The following MACROH2A1 variants were observed in gnomAD, a reference collection of about 807,000 sequenced individuals.
MACROH2A1 encodes the protein macroH2A.1 histone.
MACROH2A1 carries 2 observed loss-of-function variants against 31.6 expected under a neutral mutation model. The ratio of observed to expected loss-of-function variants is 0.06; its 90% CI spans 0.03 to 0.20. The LOEUF (loss-of-function observed/expected upper bound fraction) is 0.20, where lower values mean the gene tolerates loss of function less well. MACROH2A1 is among the 10% of genes least tolerant of loss of function. MACROH2A1 has a pLI of 1.00. For missense variants in MACROH2A1, 230 were observed against 474.0 expected (o/e 0.49, Z 4.78); for synonymous variants, 169 against 189.6 (o/e 0.89, Z 0.89).
chr5:135,350,810 G>A lies in MACROH2A1; in HGVS notation c.688+2136C>T, dbSNP rs186981083. On this transcript the variant is annotated intron_variant, in intron 6 of 8. Transcript: ENST00000511689. ...TGCACACACACACTCGGCAGCACCC[G>A]GCTAGGCATTACCTACTTCACCACC... 8.6e-4 allele frequency: 1,354 copies of A among 1,567,368 alleles called. 7 individuals are homozygous for A. The highest frequency in any genetic ancestry group is 6.1e-3 in the Middle Eastern group (36 of 5,890).
intron 8 of MACROH2A1, chr5:135,337,974 T>C (rs990069701): frequency 3.3e-6 from 4 of 1,211,536 alleles, no homozygotes; most frequent in Non-Finnish European, 4.2e-6. Flanking sequence ...GGACTGTGGC[T>C]GCTCTGGACT....
At chr5:135,367,115 A>T (rs533203690) in intron 4 of MACROH2A1, among the ~76,000 whole-genome samples, 1 of 152,240 alleles carries the variant, frequency 6.6e-6, no homozygotes, top group Non-Finnish European at 1.5e-5. Flanking sequence ...GTGCTTTAGC[A>T]TGTTACTAAG....
At chr5:135,349,015 A>G (rs534630124) in intron 6 of MACROH2A1, among the ~76,000 whole-genome samples, 16 of 152,322 alleles carry the variant, frequency 1.1e-4, no homozygotes, top group African/African-American at 3.8e-4. Flanking sequence ...TCTGGGTGGC[A>G]CAGCTGGGTC....
chr5:135,346,234 A>T, intron 6 of MACROH2A1, 177 bp from the exon 7 acceptor site: 2 of 596,900 alleles, frequency 3.4e-6, no homozygotes, highest in Non-Finnish European at 6.1e-6. Flanking sequence ...CTTTGTCATC[A>T]CCAGTTACTA....
At chr5:135,341,820 T>A (rs1193068798) in intron 8 of MACROH2A1, among the ~76,000 whole-genome samples, 1 of 152,234 alleles carries the variant, frequency 6.6e-6, no homozygotes, top group Non-Finnish European at 1.5e-5. Context: ...AGGACATGGT[T>A]CTGAGGACTG....
chr5:135,337,792 G>C (rs946160554), intron 8 of MACROH2A1: 1 of 214,488 alleles, frequency 4.7e-6, no homozygotes. Flanking sequence ...CCTGCCTACC[G>C]TCCCGTTAAT....
chr5:135,340,340 G>T (rs1759603237), intron 8 of MACROH2A1, among the ~76,000 whole-genome samples: 1 of 151,912 alleles, frequency 6.6e-6, no homozygotes, highest in African/African-American at 2.4e-5. Context: ...CCGCGCCTGG[G>T]GCTCAACACA....
chr5:135,368,841 T>C (rs1763836920), intron 4 of MACROH2A1, among the ~76,000 whole-genome samples: 1 of 152,130 alleles, frequency 6.6e-6, no homozygotes, highest in Non-Finnish European at 1.5e-5. Context: ...ATAACACTAA[T>C]GAGAGGGTTT....
At chr5:135,354,262 T>C (rs1761920882) in intron 5 of MACROH2A1, 1 of 152,240 alleles carries the variant, frequency 6.6e-6, no homozygotes, top group South Asian at 2.1e-4. Context: ...CCAAACATTT[T>C]GTTGAAAACA....
intron 2 of MACROH2A1, among the ~76,000 whole-genome samples, chr5:135,371,305 T>G (rs1304396037): frequency 6.6e-6 from 1 of 152,242 alleles, no homozygotes; most frequent in Non-Finnish European, 1.5e-5. Flanking sequence ...TTAACAATCA[T>G]GTATATTTAA....
At position 135,343,752 on chromosome 5, in the gene MACROH2A1, C is replaced by T. The variant is rs541806738; in HGVS notation, c.779-318G>A. 8.9e-4 allele frequency: 315 copies of T among 355,142 alleles called. 7 individuals are homozygous for T. Among genetic ancestry groups the T allele is most frequent in the Middle Eastern group, 4.0e-3 (5 of 1,248 alleles). 22.0% of individuals were successfully genotyped at this position (355,142 alleles called of 1,614,324 possible). ...CCTTATCCATCAAAACTCAACTGAACGCAAACTCAACGTGTCAGAACATTT... is the reference window on the plus strand; with the variant it reads ...CCTTATCCATCAAAACTCAACTGAATGCAAACTCAACGTGTCAGAACATTT... On this transcript the variant is annotated intron_variant, in intron 7 of 8. Transcript: ENST00000511689.
intron 1 of MACROH2A1, among the ~76,000 whole-genome samples, chr5:135,391,438 A>G (rs560570692): frequency 3.5e-4 from 53 of 152,284 alleles, no homozygotes; most frequent in African/African-American, 1.3e-3. Flanking sequence ...TCTCCTCCAG[A>G]AAGGATCCGT....
At chr5:135,372,106 G>T (rs538665194) in intron 2 of MACROH2A1, among the ~76,000 whole-genome samples, 1 of 152,156 alleles carries the variant, frequency 6.6e-6, no homozygotes, top group Non-Finnish European at 1.5e-5. Context: ...ATCCAAGGCA[G>T]GAATTCCTTT....
chr5:135,361,527 A>AAATTG, intron 4 of MACROH2A1: 1 of 152,258 alleles, frequency 6.6e-6, no homozygotes, highest in East Asian at 1.9e-4. Flanking sequence ...GCATTCAAAT[A>AAATTG]AATTGTAGAG....
intron 8 of MACROH2A1, among the ~76,000 whole-genome samples, chr5:135,342,259 C>G (rs764577622): frequency 6.6e-6 from 1 of 152,190 alleles, no homozygotes; most frequent in Non-Finnish European, 1.5e-5. Context: ...AAGCACTCTG[C>G]CTTCTAAGAG....
intron 1 of MACROH2A1, among the ~76,000 whole-genome samples, chr5:135,397,583 G>A (rs1169316349): frequency 1.3e-5 from 2 of 152,226 alleles, no homozygotes; most frequent in African/African-American, 4.8e-5. Context: ...GAAGGGGGAA[G>A]AATTTGAAGT....
intron 2 of MACROH2A1, among the ~76,000 whole-genome samples, chr5:135,383,312 G>A (rs1561655838): frequency 6.6e-6 from 1 of 152,316 alleles, no homozygotes; most frequent in African/African-American, 2.4e-5. Context: ...GTGACTGGCC[G>A]TCAATGAAGG....
At chr5:135,360,276 A>G (rs1180149421) in intron 5 of MACROH2A1, 2 of 574,354 alleles carry the variant, frequency 3.5e-6, no homozygotes, top group South Asian at 2.1e-5. Context: ...CTTCTTTTTT[A>G]CCACTGTCTC....
At chr5:135,397,700 TA>T (rs1369810164) in intron 1 of MACROH2A1, among the ~76,000 whole-genome samples, 17 of 152,194 alleles carry the variant, frequency 1.1e-4, no homozygotes, top group African/African-American at 4.1e-4. Flanking sequence ...CAACTCTAGT[TA>T]AATGTGTACA....
Sources: gnomAD v4.1 joint callset for allele counts (sites outside exome capture counted in the v4.1 genomes callset) on GRCh38, gnomAD v4.1.1 for gene constraint, MANE v1.5 for transcripts, NCBI Gene and HGNC (gene_info 2026-07-23, HGNC 2026-07-21) for gene names.